RPH3A: variants seen among roughly 807,000 people sequenced by gnomAD.
RPH3A encodes the protein rabphilin 3A, also known as rabphilin-3A.
A neutral mutation model predicts 102.2 loss-of-function variants in RPH3A; 48 were observed. That is an observed-to-expected ratio of 0.47 (90% CI 0.37 to 0.60). The LOEUF is 0.60. Ranked by LOEUF, RPH3A falls within the 20% of genes least tolerant of loss-of-function variation. The probability of loss-of-function intolerance (pLI) is 0.00; values close to 1 mark genes in which losing one functional copy is unlikely to be tolerated. For missense variants in RPH3A, 781 were observed against 910.1 expected, an observed-to-expected ratio of 0.86 and a Z score of 1.83; for synonymous variants, 310 against 324.3, an observed-to-expected ratio of 0.96 and a Z score of 0.47.
chr12:112,739,800 G>A (rs1478228076), intron 1 of RPH3A, among the ~76,000 whole-genome samples: 3 of 152,192 alleles, frequency 2.0e-5, no homozygotes, highest in African/African-American at 7.2e-5. Context: ...TGGCATTACA[G>A]GAGAAGGCAG....
At chr12:112,717,289 T>G (rs182779897) in intron 1 of RPH3A, among the ~76,000 whole-genome samples, 229 of 152,248 alleles carry the variant, frequency 1.5e-3, no homozygotes, top group African/African-American at 5.2e-3. Context: ...ACCACCCCCA[T>G]CCCAAATTCT....
At chr12:112,801,309 G>A (rs1413956909) in intron 2 of RPH3A, among the ~76,000 whole-genome samples, 2 of 152,218 alleles carry the variant, frequency 1.3e-5, no homozygotes, top group African/African-American at 4.8e-5. Flanking sequence ...TGGGCCCTTG[G>A]CGGGGAAGGA....
chr12:112,600,698 A>C (rs1365160952), intron 1 of RPH3A, among the ~76,000 whole-genome samples: 1 of 152,098 alleles, frequency 6.6e-6, no homozygotes, highest in Non-Finnish European at 1.5e-5. Flanking sequence ...AACCCTCTGA[A>C]CTGTTCCAAC....
chr12:112,663,457 T>C (rs906585872), intron 1 of RPH3A, among the ~76,000 whole-genome samples: 2 of 152,072 alleles, frequency 1.3e-5, no homozygotes, highest in African/African-American at 4.8e-5. Context: ...CAAGCAATCC[T>C]CCCACCATGG....
chr12:112,834,149 C>T (rs1235460527), intron 3 of RPH3A, among the ~76,000 whole-genome samples: 1 of 152,190 alleles, frequency 6.6e-6, no homozygotes, highest in Non-Finnish European at 1.5e-5. Context: ...TCTCCCCACC[C>T]ATCCCTAAGT....
intron 1 of RPH3A, among the ~76,000 whole-genome samples, chr12:112,658,914 A>T (rs1381317005): frequency 6.6e-6 from 1 of 152,196 alleles, no homozygotes; most frequent in African/African-American, 2.4e-5. Context: ...GGGGGAAAAG[A>T]TGCTGATATT....
chr12:112,682,171 G>A (rs2040230553), intron 1 of RPH3A, among the ~76,000 whole-genome samples: 1 of 152,128 alleles, frequency 6.6e-6, no homozygotes, highest in African/African-American at 2.4e-5. Flanking sequence ...GATTTATTAT[G>A]GGAACTGGTT....
intron 1 of RPH3A, among the ~76,000 whole-genome samples, chr12:112,630,643 C>T (rs1253197165): frequency 6.6e-6 from 1 of 152,170 alleles, no homozygotes; most frequent in Non-Finnish European, 1.5e-5. Flanking sequence ...CCCTTTACAG[C>T]AGCTGGGGAT....
chr12:112,862,521 GACT>G (rs2042536234), intron 5 of RPH3A, among the ~76,000 whole-genome samples: 1 of 152,222 alleles, frequency 6.6e-6, no homozygotes, highest in Admixed American at 6.5e-5. Context: ...GGAGTTCTGA[GACT>G]ATGGACTGGG....
intron 1 of RPH3A, among the ~76,000 whole-genome samples, chr12:112,637,031 CCCT>C (rs1262220060): frequency 6.6e-6 from 1 of 152,054 alleles, no homozygotes; most frequent in Admixed American, 6.6e-5. Flanking sequence ...CCTTCTAGCC[CCCT>C]CCTCCTCCTA....
At chr12:112,686,896 C>T (rs192006505) in intron 1 of RPH3A, among the ~76,000 whole-genome samples, 2 of 152,280 alleles carry the variant, frequency 1.3e-5, no homozygotes, top group Admixed American at 6.5e-5. Context: ...CTTTGGGAGG[C>T]TGACGTGGGA....
chr12:112,843,346 C>T lies in RPH3A; in HGVS notation c.84-4350C>T, dbSNP rs141457664. Among the ~76,000 whole-genome samples the T allele has an allele frequency of 2.5e-3, 386 of 152,272 alleles. 2 individuals carry two copies. Among genetic ancestry groups the T allele is most frequent in the South Asian group, 9.8e-3 (47 of 4,816 alleles). Reference sequence around the variant, plus strand: ...CTTGCAGGTTCCCACTGAGACCAATCGGCGACATTTTCAAACACGATGAGC... The same window carrying T: ...CTTGCAGGTTCCCACTGAGACCAATTGGCGACATTTTCAAACACGATGAGC... On this transcript the variant is annotated intron_variant, in intron 4 of 21. Coordinates refer to ENST00000389385, the MANE Select transcript of RPH3A (RefSeq NM_001143854.2).
intron 1 of RPH3A, among the ~76,000 whole-genome samples, chr12:112,578,134 C>A (rs563508195): frequency 5.3e-4 from 80 of 152,250 alleles, no homozygotes; most frequent in Non-Finnish European, 8.7e-4. Context: ...AATTCAAAGT[C>A]ATTTTGTCCC....
intron 5 of RPH3A, among the ~76,000 whole-genome samples, chr12:112,862,494 C>T (rs890233609): frequency 7.2e-5 from 11 of 152,192 alleles, no homozygotes; most frequent in Non-Finnish European, 1.3e-4. Flanking sequence ...GCTCAGTAAA[C>T]ACCAGCTACT....
chr12:112,612,502 G>T (rs1477326889), intron 1 of RPH3A, among the ~76,000 whole-genome samples: 1 of 150,724 alleles, frequency 6.6e-6, no homozygotes, highest in Non-Finnish European at 1.5e-5. Flanking sequence ...CCTGAGGAGT[G>T]TCTGGGCCCT....
intron 1 of RPH3A, among the ~76,000 whole-genome samples, chr12:112,610,438 G>A (rs1054814646): frequency 1.3e-5 from 2 of 150,564 alleles, no homozygotes; most frequent in Non-Finnish European, 3.0e-5. Context: ...AGGAGGTGGA[G>A]GTTGCAGGGA....
intron 3 of RPH3A, among the ~76,000 whole-genome samples, chr12:112,835,172 G>A (rs2042027461): frequency 1.3e-5 from 2 of 152,120 alleles, no homozygotes; most frequent in African/African-American, 4.8e-5. Flanking sequence ...AGTTCTACAA[G>A]TTTTACAGTT....
At chr12:112,852,493 A>C (rs1168455196) in intron 5 of RPH3A, among the ~76,000 whole-genome samples, 1 of 152,200 alleles carries the variant, frequency 6.6e-6, no homozygotes, top group East Asian at 1.9e-4. Flanking sequence ...TAGCCTCATA[A>C]AAGGCCTACT....
chr12:112,890,861 G>C lies in RPH3A; in HGVS notation c.1633G>C (p.Val545Leu). ...ALYEEEQVER[V>L]GDIEERGKIL... ...TCCCCCAATGCAGCAGGTGGAGCGT[G>C]TTGGTGACATCGAGGAGCGTGGCAA... Residue 545 changes from valine to leucine, a missense_variant, in exon 19 of 22, where the codon GTT becomes CTT. Val to Leu is a conservative substitution (Grantham distance 32). Transcript: ENST00000389385. 1 of 1,613,866 alleles carries C rather than the reference G, an allele frequency of 6.2e-7. No individual in the cohort carries two copies.
Sources: allele counts gnomAD v4.1 joint callset (sites outside exome capture counted in the v4.1 genomes callset), GRCh38; gene constraint gnomAD v4.1.1; transcripts MANE v1.5; gene names NCBI Gene and HGNC (gene_info 2026-07-23, HGNC 2026-07-21).